Variants in RPSA2 observed in about 807,000 individuals in gnomAD.
RPSA2 encodes small ribosomal subunit protein uS2B.
At chr19:23,778,650 A>G in the RPSA2 span, among the ~76,000 whole-genome samples, 1 of 151,878 alleles carries the variant, frequency 6.6e-6, no homozygotes, top group African/African-American at 2.4e-5. Flanking sequence ...GCTAGGCTCA[A>G]CACACAAGTG....
At chr19:23,840,775 C>T in the RPSA2 span, among the ~76,000 whole-genome samples, 4 of 146,790 alleles carry the variant, frequency 2.7e-5, no homozygotes, top group African/African-American at 5.1e-5. Flanking sequence ...CTGACCAACA[C>T]GGTGAAACCC....
the RPSA2 span, among the ~76,000 whole-genome samples, chr19:23,847,468 T>C: frequency 1.3e-5 from 2 of 152,138 alleles, no homozygotes; most frequent in Non-Finnish European, 2.9e-5. Context: ...GGTAGGACCA[T>C]GATGCCCACC....
the RPSA2 span, among the ~76,000 whole-genome samples, chr19:23,800,032 T>TC: frequency 1.4e-5 from 2 of 146,980 alleles, no homozygotes; most frequent in African/African-American, 5.0e-5. Context: ...TTTTTCTTTT[T>TC]TTTTTTTTTT....
the RPSA2 span, among the ~76,000 whole-genome samples, chr19:23,860,425 G>A: frequency 2.6e-5 from 4 of 152,186 alleles, no homozygotes; most frequent in African/African-American, 4.8e-5. Flanking sequence ...AGCTGCACAT[G>A]TGAGAGTATC....
chr19:23,840,037 T>A, the RPSA2 span, among the ~76,000 whole-genome samples: 3 of 152,150 alleles, frequency 2.0e-5, no homozygotes, highest in Non-Finnish European at 4.4e-5. Context: ...GGACATATTC[T>A]GAAGATAAAG....
At chr19:23,815,543 C>T in the RPSA2 span, among the ~76,000 whole-genome samples, 5 of 152,172 alleles carry the variant, frequency 3.3e-5, no homozygotes, top group African/African-American at 1.2e-4. Flanking sequence ...CTTGCTGAGA[C>T]ACTCACCAGA....
chr19:23,840,264 T>A, the RPSA2 span, among the ~76,000 whole-genome samples: 1 of 152,248 alleles, frequency 6.6e-6, no homozygotes, highest in Non-Finnish European at 1.5e-5. Flanking sequence ...GACAGTGAAA[T>A]GACCTCATTA....
At chr19:23,793,457 G>A in the RPSA2 span, among the ~76,000 whole-genome samples, 1 of 150,672 alleles carries the variant, frequency 6.6e-6, no homozygotes, top group Middle Eastern at 3.2e-3. Flanking sequence ...TTTATATTAT[G>A]TTATGTATTT....
the RPSA2 span, among the ~76,000 whole-genome samples, chr19:23,777,994 T>C: frequency 4.6e-5 from 7 of 152,226 alleles, no homozygotes; most frequent in Non-Finnish European, 7.3e-5. Context: ...CAAGCTGATG[T>C]GACTTGTCTC....
At chr19:23,776,263 T>G in the RPSA2 span, among the ~76,000 whole-genome samples, 3 of 152,190 alleles carry the variant, frequency 2.0e-5, no homozygotes, top group Non-Finnish European at 4.4e-5. Context: ...AACCCACAGA[T>G]GAATCGTGAC....
chr19:23,776,587 C>G, the RPSA2 span, among the ~76,000 whole-genome samples: 2 of 152,208 alleles, frequency 1.3e-5, no homozygotes, highest in Non-Finnish European at 2.9e-5. Flanking sequence ...TCTCTGTGCT[C>G]ATCACCCAGG....
At chr19:23,793,673 C>T in the RPSA2 span, among the ~76,000 whole-genome samples, 5 of 151,964 alleles carry the variant, frequency 3.3e-5, no homozygotes, top group Non-Finnish European at 7.4e-5. Flanking sequence ...GGTGATTCTT[C>T]TGTCTCAGCT....
At chr19:23,808,653 C>T in the RPSA2 span, 1 of 468,990 alleles carries the variant, frequency 2.1e-6, no homozygotes, top group Non-Finnish European at 4.2e-6. Flanking sequence ...CTTTACTGAA[C>T]ACATTACTAA....
chr19:23,807,089 A>G, the RPSA2 span, among the ~76,000 whole-genome samples: 5 of 152,196 alleles, frequency 3.3e-5, no homozygotes, highest in Admixed American at 6.5e-5. Flanking sequence ...TTTTTGCACT[A>G]TAGAGGTTTT....
At chr19:23,837,701 A>G in the RPSA2 span, among the ~76,000 whole-genome samples, 1 of 151,580 alleles carries the variant, frequency 6.6e-6, no homozygotes, top group Admixed American at 6.6e-5. Flanking sequence ...TAAGTATTTT[A>G]TTTTTTTCAG....
chr19:23,761,187 C>T, the RPSA2 span, among the ~76,000 whole-genome samples: 1 of 151,520 alleles, frequency 6.6e-6, no homozygotes, highest in South Asian at 2.1e-4. Flanking sequence ...TCCAGTGATC[C>T]TTCTACCTCA....
the RPSA2 span, among the ~76,000 whole-genome samples, chr19:23,802,235 A>C: frequency 6.6e-6 from 1 of 151,378 alleles, no homozygotes; most frequent in Non-Finnish European, 1.5e-5. Flanking sequence ...AAGTGTAAAC[A>C]AGCATCTTAG....
the RPSA2 span, among the ~76,000 whole-genome samples, chr19:23,805,136 C>T: frequency 0.083 from 67 of 804 alleles, no homozygotes; most frequent in Admixed American, 0.22. Flanking sequence ...CACACACACA[C>T]ACACACACAC....
At chr19:23,764,211 A>G in the RPSA2 span, among the ~76,000 whole-genome samples, 6 of 152,124 alleles carry the variant, frequency 3.9e-5, no homozygotes, top group African/African-American at 1.4e-4. Flanking sequence ...TTCCTCTGTG[A>G]CTTCCTAATG....
Sources: gnomAD v4.1 joint callset for allele counts (sites outside exome capture counted in the v4.1 genomes callset) on GRCh38, gnomAD v4.1.1 for gene constraint, MANE v1.5 for transcripts, NCBI Gene and HGNC (gene_info 2026-07-23, HGNC 2026-07-21) for gene names.